The following NBAS variants were observed in gnomAD, a reference collection of about 807,000 sequenced individuals.
NBAS encodes NBAS subunit of NRZ tethering complex, also known as NAG/BC035112 fusion.
In NBAS, 219 loss-of-function variants were observed where a neutral mutation model predicts 302.5. The observed-to-expected ratio is 0.72, with a 90% CI of 0.65 to 0.81. The LOEUF (loss-of-function observed/expected upper bound fraction) is 0.81. Among genes scored for constraint, NBAS ranks in the 30% least tolerant of loss-of-function variants. The probability of loss-of-function intolerance (pLI) is 0.00; values close to 1 mark genes in which losing one functional copy is unlikely to be tolerated. For missense variants in NBAS, 2,932 were observed against 2,841.6 expected, an observed-to-expected ratio of 1.03 and a Z score of -0.72; for synonymous variants, 1,118 against 1,021.6, an observed-to-expected ratio of 1.09 and a Z score of -1.80.
intron 40 of NBAS, among the ~76,000 whole-genome samples, chr2:15,296,303 C>A (rs1179566493): frequency 3.3e-5 from 5 of 152,126 alleles, no homozygotes; most frequent in Non-Finnish European, 7.4e-5. Context: ...CTTTGGGAGG[C>A]AGAGGCAGGT....
At chr2:15,293,926 C>G (rs908243484) in intron 40 of NBAS, among the ~76,000 whole-genome samples, 4 of 152,002 alleles carry the variant, frequency 2.6e-5, no homozygotes, top group Admixed American at 6.6e-5. Context: ...TTTTCCCTAC[C>G]TCTATGCATA....
At chr2:15,422,175 C>T (rs1677244796) in intron 23 of NBAS, among the ~76,000 whole-genome samples, 1 of 152,188 alleles carries the variant, frequency 6.6e-6, no homozygotes, top group Non-Finnish European at 1.5e-5. Flanking sequence ...TTTTCACTGA[C>T]TCCATAGTTT....
intron 25 of NBAS, among the ~76,000 whole-genome samples, chr2:15,404,905 A>G (rs1676337272): frequency 1.3e-5 from 2 of 152,194 alleles, no homozygotes; most frequent in Admixed American, 6.5e-5. Flanking sequence ...CAGTCCTTCA[A>G]TATGAAAGGT....
At chr2:15,033,737 T>C in the NBAS span, among the ~76,000 whole-genome samples, 2 of 152,156 alleles carry the variant, frequency 1.3e-5, no homozygotes, top group South Asian at 4.2e-4. Flanking sequence ...GGAAGATTGC[T>C]TGAGCCCAGG....
the NBAS span, among the ~76,000 whole-genome samples, chr2:14,870,113 T>A: frequency 6.6e-6 from 1 of 152,148 alleles, no homozygotes; most frequent in Non-Finnish European, 1.5e-5. Context: ...GGGAAGTATA[T>A]CAATGATCCC....
the NBAS span, among the ~76,000 whole-genome samples, chr2:14,925,772 T>C: frequency 1.1e-4 from 17 of 152,344 alleles, no homozygotes; most frequent in Non-Finnish European, 1.9e-4. Context: ...TTTGTAACTA[T>C]ACTGTGAGCC....
At chr2:15,329,627 C>T (rs1404321602) in intron 36 of NBAS, among the ~76,000 whole-genome samples, 3 of 152,186 alleles carry the variant, frequency 2.0e-5, no homozygotes, top group Admixed American at 1.3e-4. Context: ...TGGGCCTCCC[C>T]ACCACCTTCT....
chr2:15,280,735 A>G (rs1163164813), intron 42 of NBAS, among the ~76,000 whole-genome samples: 1 of 152,168 alleles, frequency 6.6e-6, no homozygotes, highest in African/African-American at 2.4e-5. Flanking sequence ...TAACCCTAAG[A>G]GCATGAAGAT....
intron 25 of NBAS, among the ~76,000 whole-genome samples, chr2:15,406,670 C>T (rs997054265): frequency 5.3e-5 from 8 of 151,992 alleles, no homozygotes; most frequent in Non-Finnish European, 1.2e-4. Context: ...GGGTTAGTTA[C>T]ACGAATATGT....
intron 13 of NBAS, among the ~76,000 whole-genome samples, chr2:15,477,163 G>C (rs1165306834): frequency 6.6e-6 from 1 of 152,164 alleles, no homozygotes; most frequent in Non-Finnish European, 1.5e-5. Flanking sequence ...AATACGTCTG[G>C]ATGAATATTT....
chr2:15,363,492 C>T (rs986313432), intron 32 of NBAS, among the ~76,000 whole-genome samples: 1 of 152,016 alleles, frequency 6.6e-6, no homozygotes, highest in African/African-American at 2.4e-5. Context: ...CAATAAAGTC[C>T]ACTGATTATT....
intron 51 of NBAS, among the ~76,000 whole-genome samples, chr2:15,176,516 T>C (rs974087428): frequency 8.5e-5 from 13 of 152,290 alleles, no homozygotes; most frequent in Admixed American, 2.6e-4. Flanking sequence ...TCATAAAATC[T>C]GTATAATGTT....
rs116330081 is a variant in NBAS at position 15,255,152 on chromosome 2, A to G, written c.5725-16466T>C. ...TAAGGAATCTCCAGTACTGTTTTCCATAGTGGTTGTACTAGTTTACATTCC... is the reference window on the plus strand; with the variant it reads ...TAAGGAATCTCCAGTACTGTTTTCCGTAGTGGTTGTACTAGTTTACATTCC... On this transcript the variant is annotated intron_variant, in intron 44 of 51. Coordinates refer to ENST00000281513, the MANE Select transcript of NBAS (RefSeq NM_015909.4). Among the ~76,000 whole-genome samples the G allele has an allele frequency of 9.1e-3, 1,385 of 152,296 alleles. 23 individuals are homozygous for G. The highest frequency in any genetic ancestry group is 0.032 in the African/African-American group (1,334 of 41,556).
chr2:14,947,874 G>C, the NBAS span, among the ~76,000 whole-genome samples: 1 of 151,816 alleles, frequency 6.6e-6, no homozygotes, highest in Non-Finnish European at 1.5e-5. Flanking sequence ...CTATTGAGAA[G>C]ATCATATGGT....
chr2:15,390,712 C>T (rs1321508458), intron 28 of NBAS, among the ~76,000 whole-genome samples: 1 of 152,022 alleles, frequency 6.6e-6, no homozygotes, highest in African/African-American at 2.4e-5. Context: ...GTGTTGTATA[C>T]TTTAAATATA....
At chr2:15,054,844 C>T in the NBAS span, among the ~76,000 whole-genome samples, 3 of 152,140 alleles carry the variant, frequency 2.0e-5, no homozygotes, top group Non-Finnish European at 4.4e-5. Flanking sequence ...CCACTGAACA[C>T]CAGTTTTGTT....
the NBAS span, among the ~76,000 whole-genome samples, chr2:14,996,451 G>C: frequency 1.3e-5 from 2 of 152,172 alleles, no homozygotes; most frequent in African/African-American, 4.8e-5. Flanking sequence ...GGCAGACGGC[G>C]TACAGCACCA....
the NBAS span, among the ~76,000 whole-genome samples, chr2:15,077,930 C>T: frequency 6.6e-6 from 1 of 152,124 alleles, no homozygotes; most frequent in African/African-American, 2.4e-5. Flanking sequence ...GATCTGCCCG[C>T]CTCAGCCTCC....
chr2:15,238,724 T>G (rs1667723129), intron 44 of NBAS, 38 bp from the exon 45 acceptor site: 11 of 1,547,698 alleles, frequency 7.1e-6, no homozygotes, highest in Non-Finnish European at 9.7e-6. Flanking sequence ...GAACCCTGCA[T>G]TATTACCTAT....
Sources: allele counts gnomAD v4.1 joint callset (sites outside exome capture counted in the v4.1 genomes callset), GRCh38; gene constraint gnomAD v4.1.1; transcripts MANE v1.5; gene names NCBI Gene and HGNC (gene_info 2026-07-23, HGNC 2026-07-21).